Variants in FAM228B observed in about 807,000 individuals in gnomAD.
FAM228B encodes protein FAM228B.
A neutral mutation model predicts 42.6 loss-of-function variants in FAM228B; 38 were observed. That is an observed-to-expected ratio of 0.89 (90% CI 0.69 to 1.17). FAM228B has a LOEUF of 1.17. Among genes scored for constraint, FAM228B ranks in the 50% most tolerant of loss-of-function variants. The pLI, the probability that FAM228B is intolerant of heterozygous loss-of-function variation, is 0.00. For missense variants in FAM228B, 344 were observed against 367.3 expected, an observed-to-expected ratio of 0.94 and a Z score of 0.52; for synonymous variants, 109 against 122.3, an observed-to-expected ratio of 0.89 and a Z score of 0.72.
At chr2:24,103,088 A>G (rs907339733) in intron 3 of FAM228B, among the ~76,000 whole-genome samples, 8 of 152,184 alleles carry the variant, frequency 5.3e-5, no homozygotes, top group African/African-American at 1.9e-4. Context: ...TCCTTCACAT[A>G]TGATGCATTT....
At chr2:24,143,165 CT>C (rs1242483137) in intron 5 of FAM228B, among the ~76,000 whole-genome samples, 1 of 151,160 alleles carries the variant, frequency 6.6e-6, no homozygotes, top group Non-Finnish European at 1.5e-5. Context: ...TTTTTCTTTT[CT>C]TTTTTTTTCT....
intron 7 of FAM228B, among the ~76,000 whole-genome samples, chr2:24,155,532 T>TATA (rs1491091074): frequency 6.9e-4 from 8 of 11,536 alleles, no homozygotes; most frequent in African/African-American, 9.9e-4. Context: ...TATATATATA[T>TATA]TTTTTTTTTT....
intron 3 of FAM228B, among the ~76,000 whole-genome samples, chr2:24,098,404 A>AAG (rs1478478303): frequency 6.6e-6 from 1 of 152,060 alleles, no homozygotes; most frequent in Non-Finnish European, 1.5e-5. Context: ...AATAAAGAAG[A>AAG]AGAGAGAAGA....
chr2:24,166,692 AAGCAG>A (rs1667423409), intron 9 of FAM228B: 4 of 151,962 alleles, frequency 2.6e-5, no homozygotes, highest in Non-Finnish European at 5.9e-5. Context: ...AAGGAAAACA[AAGCAG>A]GTAGAGGGGG....
chr2:24,141,902 TC>T (rs1194795759), intron 5 of FAM228B, among the ~76,000 whole-genome samples: 1 of 152,134 alleles, frequency 6.6e-6, no homozygotes, highest in Non-Finnish European at 1.5e-5. Context: ...ACATCACTGG[TC>T]CCAGGCCCAG....
chr2:24,146,633 A>G (rs962929698), intron 5 of FAM228B, 115 bp from the exon 6 acceptor site: 16 of 624,800 alleles, frequency 2.6e-5, no homozygotes, highest in Admixed American at 9.5e-5. Context: ...TGTAAATACC[A>G]TATTATTTAC....
At chr2:24,110,539 G>A (rs1665773361) in intron 3 of FAM228B, among the ~76,000 whole-genome samples, 1 of 152,150 alleles carries the variant, frequency 6.6e-6, no homozygotes, top group Non-Finnish European at 1.5e-5. Context: ...TAAAAACCCT[G>A]GAACAACAAG....
At chr2:24,091,262 C>T (rs182751437) in intron 2 of FAM228B, among the ~76,000 whole-genome samples, 394 of 152,068 alleles carry the variant, frequency 2.6e-3, no homozygotes, top group African/African-American at 9.3e-3. Flanking sequence ...TGAAACCCCG[C>T]CTCTACTAAA....
intron 2 of FAM228B, among the ~76,000 whole-genome samples, chr2:24,093,756 A>G (rs1242220260): frequency 1.3e-5 from 2 of 151,824 alleles, no homozygotes; most frequent in Non-Finnish European, 2.9e-5. Flanking sequence ...GCTTGGGACT[A>G]CAGGGGCCCA....
At chr2:24,143,488 C>T (rs1009398048) in intron 5 of FAM228B, among the ~76,000 whole-genome samples, 3 of 152,188 alleles carry the variant, frequency 2.0e-5, no homozygotes, top group Admixed American at 6.5e-5. Flanking sequence ...ACCATCATGC[C>T]TGGCCACTCC....
intron 7 of FAM228B, among the ~76,000 whole-genome samples, chr2:24,160,697 T>C (rs982502469): frequency 1.3e-5 from 2 of 152,210 alleles, no homozygotes; most frequent in Non-Finnish European, 2.9e-5. Context: ...TACATTGCTG[T>C]ACTACATTCT....
chr2:24,137,650 GCCTTGCTTTT>G (rs1398858485), intron 3 of FAM228B, among the ~76,000 whole-genome samples: 1 of 152,150 alleles, frequency 6.6e-6, no homozygotes, highest in East Asian at 1.9e-4. Context: ...GCGCCACCTT[GCCTTGCTTTT>G]GATTTGTTCT....
chr2:24,118,010 T>C (rs928517642), intron 3 of FAM228B, among the ~76,000 whole-genome samples: 2 of 152,188 alleles, frequency 1.3e-5, no homozygotes, highest in African/African-American at 2.4e-5. Flanking sequence ...TGGAGTTTTT[T>C]GTGGCCCTAA....
At chr2:24,111,752 G>A (rs577045601) in intron 3 of FAM228B, among the ~76,000 whole-genome samples, 1 of 152,170 alleles carries the variant, frequency 6.6e-6, no homozygotes, top group African/African-American at 2.4e-5. Flanking sequence ...AATGTCTGCA[G>A]TATTTCCTCT....
chr2:24,144,522 C>T (rs1361824755), intron 5 of FAM228B, among the ~76,000 whole-genome samples: 1 of 152,184 alleles, frequency 6.6e-6, no homozygotes, highest in Non-Finnish European at 1.5e-5. Flanking sequence ...AACACGTCAT[C>T]TAAGAGGAAC....
At chr2:24,132,531 G>C (rs531041378) in intron 2 of FAM228B, among the ~76,000 whole-genome samples, 23 of 101,162 alleles carry the variant, frequency 2.3e-4, no homozygotes, top group Non-Finnish European at 3.5e-4. Flanking sequence ...TTCAGAACTT[G>C]TTATTAGTCT....
At chr2:24,106,712 C>A (rs188600264) in intron 3 of FAM228B, among the ~76,000 whole-genome samples, 1 of 152,152 alleles carries the variant, frequency 6.6e-6, no homozygotes, top group East Asian at 1.9e-4. Flanking sequence ...AGATGATTTT[C>A]CGACAAGCAA....
Position 24,077,433 on chromosome 2 carries a change from TTCC to T in FAM228B, c.-290+465_-290+467del. 9.8e-7 allele frequency: 1 copy of T among 1,017,458 alleles called. No individual in the cohort carries two copies. 63.0% of individuals were successfully genotyped at this position (1,017,458 alleles called of 1,614,324 possible). On this transcript the variant is annotated intron_variant, in intron 1 of 10. Coordinates refer to the FAM228B transcript ENST00000613899. This position sits in a 1 kb window ranked among gnomAD's most constrained non-coding sequence, Gnocchi z 5.5. Reference sequence around the variant, plus strand: ...GGCGGCCCCAGTCCGCGTGCCACCCTTCCAGTTCACTCTTTATTTCCTCATATC... The same window carrying T: ...GGCGGCCCCAGTCCGCGTGCCACCCTAGTTCACTCTTTATTTCCTCATATC...
intron 7 of FAM228B, among the ~76,000 whole-genome samples, chr2:24,160,693 G>A (rs748851496): frequency 1.3e-5 from 2 of 151,690 alleles, no homozygotes; most frequent in Non-Finnish European, 2.9e-5. Flanking sequence ...TTCATACATT[G>A]CTGTACTACA....
Sources: allele counts gnomAD v4.1 joint callset (sites outside exome capture counted in the v4.1 genomes callset), GRCh38; gene constraint gnomAD v4.1.1; non-coding constraint Gnocchi (gnomAD v3.1); transcripts MANE v1.5; gene names NCBI Gene and HGNC (gene_info 2026-07-23, HGNC 2026-07-21).